ANAPC7: variants seen among roughly 807,000 people sequenced by gnomAD.
ANAPC7 encodes anaphase promoting complex subunit 7, also known as anaphase-promoting complex subunit 7.
Under a neutral mutation model 63.3 loss-of-function variants are expected in ANAPC7, and 25 were observed. The observed-to-expected ratio is 0.39, with a 90% confidence interval of 0.29 to 0.55. The LOEUF (loss-of-function observed/expected upper bound fraction) is 0.55, where lower values mean the gene tolerates loss of function less well. Among genes scored for constraint, ANAPC7 ranks in the 20% least tolerant of loss-of-function variants. ANAPC7 has a pLI of 0.57. For synonymous variants in ANAPC7, 241 were observed against 251.7 expected, an observed-to-expected ratio of 0.96 and a Z score of 0.40; for missense variants, 516 against 691.7, an observed-to-expected ratio of 0.75 and a Z score of 2.85.
At chr12:110,376,570 A>AG (rs1226312572) in intron 9 of ANAPC7, among the ~76,000 whole-genome samples, 18 of 148,162 alleles carry the variant, frequency 1.2e-4, no homozygotes, top group African/African-American at 4.3e-4. Context: ...CTCCATCTCA[A>AG]AAAAAAAAAA....
Position 110,374,045 on chromosome 12 carries a change from G to GA in ANAPC7, c.*98dup. The GA allele has an allele frequency of 7.4e-7, 1 of 1,345,298 alleles. No individual in the cohort carries two copies. The highest frequency in any genetic ancestry group is 2.4e-5 in the East Asian group (1 of 41,172). 83.3% of individuals were successfully genotyped at this position (1,345,298 alleles called of 1,614,324 possible). On this transcript the variant is annotated 3_prime_UTR_variant, in exon 11 of 11. Coordinates refer to ENST00000455511, the MANE Select transcript of ANAPC7 (RefSeq NM_016238.3). ...GAGACCCCTGCTGCAATCACATGCT[G>GA]AATCATTGTCCTTCTGAGAGCAGGC... is the stretch of plus-strand genomic sequence containing the variant.
intron 1 of ANAPC7, among the ~76,000 whole-genome samples, chr12:110,403,052 G>A (rs952224148): frequency 6.6e-6 from 1 of 152,182 alleles, no homozygotes; most frequent in Non-Finnish European, 1.5e-5. Flanking sequence ...CCGTTTTCAG[G>A]GGTTTCCCAA....
intron 1 of ANAPC7, 117 bp downstream of exon 1, chr12:110,403,410 G>T (rs2062262323): frequency 8.5e-7 from 1 of 1,171,820 alleles, no homozygotes; most frequent in East Asian, 2.6e-5. Context: ...AGACCCCGGA[G>T]CCTCCGCTGG....
intron 3 of ANAPC7, among the ~76,000 whole-genome samples, chr12:110,389,919 G>A (rs551848139): frequency 4.6e-4 from 70 of 151,300 alleles, no homozygotes; most frequent in South Asian, 8.3e-4. Context: ...GAGACAGAGC[G>A]AGACTCCGTC....
intron 10 of ANAPC7, 124 bp downstream of exon 10, chr12:110,375,942 T>C: frequency 7.4e-7 from 1 of 1,351,212 alleles, no homozygotes; most frequent in East Asian, 2.6e-5. Flanking sequence ...CTACCATTAC[T>C]ATTATTATTC....
intron 4 of ANAPC7, 80 bp from the exon 5 acceptor site, chr12:110,387,972 T>G: frequency 6.7e-7 from 1 of 1,499,214 alleles, no homozygotes; most frequent in African/African-American, 1.4e-5. Context: ...GGCTACATCT[T>G]CCCTTGGCTA....
Position 110,382,458 on chromosome 12 carries a change from AAAAATATATATATATATAT to A in ANAPC7, c.935+366_935+384del, listed in dbSNP as rs1328435994. ...TATCCTTTTAAAAAAAAAAAAAAAA[AAAAATATATATATATATAT>A]ATATATATATATATATATTTATAGA... is the stretch of plus-strand genomic sequence containing the variant. On this transcript the variant is annotated intron_variant, in intron 7 of 10. Transcript: ENST00000455511. Among the ~76,000 whole-genome samples the A allele has an allele frequency of 1.9e-4, 15 of 80,462 alleles. 1 individual carries two copies. The highest frequency in any genetic ancestry group is 0.015 in the Middle Eastern group (2 of 134). 52.8% of individuals were successfully genotyped at this position (80,462 alleles called of 152,430 possible).
intron 1 of ANAPC7, among the ~76,000 whole-genome samples, chr12:110,402,239 T>C (rs2062241385): frequency 1.3e-5 from 2 of 151,548 alleles, no homozygotes; most frequent in African/African-American, 2.4e-5. Context: ...TAGAGAGCAG[T>C]GAACAGAGTA....
chr12:110,395,058 G>C lies in ANAPC7; in HGVS notation c.408+43C>G, dbSNP rs200086640. ...AGAAAACATGGAGAGAGGGAGCAGG[G>C]TTAGGAGAGCTGAGGAGAAAAACAC... On this transcript the variant is annotated intron_variant, in intron 3 of 10. Coordinates refer to ENST00000455511, the MANE Select transcript of ANAPC7 (RefSeq NM_016238.3). 169 of 1,598,906 alleles carry C rather than the reference G, an allele frequency of 1.1e-4. 1 individual carries two copies. In the Middle Eastern group the frequency reaches 1.2e-3, roughly 11 times the overall value.
At chr12:110,395,031 T>G in intron 3 of ANAPC7, 70 bp downstream of exon 3, 76 of 1,540,240 alleles carry the variant, frequency 4.9e-5, no homozygotes, top group Non-Finnish European at 5.9e-5. Flanking sequence ...CCTTAATGCA[T>G]GAGAAAACAT....
At position 110,374,288 on chromosome 12, in the gene ANAPC7, C is replaced by T; in HGVS notation, c.1554G>A (p.Met518Ile). The T allele has an allele frequency of 6.2e-7, 1 of 1,614,182 alleles. No homozygotes were observed. Among genetic ancestry groups the T allele is most frequent in the Non-Finnish European group, 8.5e-7 (1 of 1,180,034 alleles). The change falls in exon 11 of 11, where the codon ATG becomes ATA. Residue 518 changes from methionine (M) to isoleucine (I), a missense_variant. Coordinates refer to ENST00000455511, the MANE Select transcript of ANAPC7 (RefSeq NM_016238.3). Reference sequence around the variant, plus strand: ...CATCCGTGGGACTCTCCTCCTTCTCCATCTTCTGCATCCCCTCTAGAGACT... The same window carrying T: ...CATCCGTGGGACTCTCCTCCTTCTCTATCTTCTGCATCCCCTCTAGAGACT... ...DQKSLEGMQK[M>I]EKEESPTDAT...
At chr12:110,377,294 T>C in intron 9 of ANAPC7, 99 bp downstream of exon 9, 1 of 1,024,180 alleles carries the variant, frequency 9.8e-7, no homozygotes, top group Non-Finnish European at 1.5e-6. Context: ...GGCACACACC[T>C]GTCTAGTCAT....
chr12:110,386,311 C>T lies in ANAPC7; in HGVS notation c.817+16G>A. 6.2e-7 allele frequency: 1 copy of T among 1,613,582 alleles called. No homozygotes were observed. Among genetic ancestry groups the T allele is most frequent in the Non-Finnish European group, 8.5e-7 (1 of 1,179,950 alleles). ...CCAACAACAGCCACTGTCTTCCTGC[C>T]CCAAGAATTACTTACCTTTTATCAG... On this transcript the variant is annotated intron_variant, in intron 6 of 10. Coordinates refer to ENST00000455511, the MANE Select transcript of ANAPC7 (RefSeq NM_016238.3).
chr12:110,395,228 A>G lies in ANAPC7; in HGVS notation c.289-8T>C. On this transcript the variant is annotated splice_region_variant and splice_polypyrimidine_tract_variant and intron_variant, in intron 2 of 10. Coordinates refer to ENST00000455511, the MANE Select transcript of ANAPC7 (RefSeq NM_016238.3). Reference sequence around the variant, plus strand: ...AATTTCAGATGGAAGACACTAAAAGACAATGGAAATATTTCTTTGAAACGT... The same window carrying G: ...AATTTCAGATGGAAGACACTAAAAGGCAATGGAAATATTTCTTTGAAACGT... The G allele has an allele frequency of 6.2e-7, 1 of 1,604,208 alleles. No individual in the cohort carries two copies. The highest frequency in any genetic ancestry group is 1.1e-5 in the South Asian group (1 of 90,244).
chr12:110,375,858 G>T, intron 10 of ANAPC7: 1 of 1,276,218 alleles, frequency 7.8e-7, no homozygotes. Context: ...GGTTATGAGT[G>T]AAACAGTTCT....
Position 110,383,065 on chromosome 12 carries a change from TCCTGCA to T in ANAPC7, c.818-111_818-106del, listed in dbSNP as rs2137938064. 4 of 749,298 alleles carry T rather than the reference TCCTGCA, an allele frequency of 5.3e-6. 1 individual carries two copies. The South Asian group carries it at 7.2e-5, about 14-fold the overall frequency. 46.4% of individuals were successfully genotyped at this position (749,298 alleles called of 1,614,324 possible). A position where few individuals can be genotyped will look rare whatever the true frequency, so the allele number is the denominator to read the frequency against. On this transcript the variant is annotated intron_variant, in intron 6 of 10. Coordinates refer to ENST00000455511, the MANE Select transcript of ANAPC7 (RefSeq NM_016238.3). ...TCAGACCCCATGCTGAGGCCCCAGCTCCTGCAGGGGCTAAGCCCTTTCCACCATCAC... is the reference window on the plus strand; with the variant it reads ...TCAGACCCCATGCTGAGGCCCCAGCTGGGGCTAAGCCCTTTCCACCATCAC...
At chr12:110,387,257 G>GAGAGAGAGAGAGAGAGAA (rs1882572088) in intron 5 of ANAPC7, 1 of 62,372 alleles carries the variant, frequency 1.6e-5, no homozygotes, top group Non-Finnish European at 3.7e-5. Flanking sequence ...CAGAGAGACA[G>GAGAGAGAGAGAGAGAGAA]AGAGAGAGAG....
At chr12:110,376,347 G>T in intron 9 of ANAPC7, 131 bp from the exon 10 acceptor site, 1 of 960,898 alleles carries the variant, frequency 1.0e-6, no homozygotes, top group Non-Finnish European at 1.5e-6. Context: ...CACACCTGAA[G>T]CCCTATTCAG....
intron 1 of ANAPC7, 40 bp from the exon 2 acceptor site, chr12:110,396,492 T>C: frequency 6.7e-7 from 1 of 1,488,264 alleles, no homozygotes; most frequent in Non-Finnish European, 9.0e-7. Flanking sequence ...TTTTCCTCCC[T>C]TTCAATCCAA....
Sources: gnomAD v4.1 joint callset for allele counts (sites outside exome capture counted in the v4.1 genomes callset) on GRCh38, gnomAD v4.1.1 for gene constraint, MANE v1.5 for transcripts, NCBI Gene and HGNC (gene_info 2026-07-23, HGNC 2026-07-21) for gene names.